The following LY75 variants were observed in gnomAD, a reference collection of about 807,000 sequenced individuals.
LY75 encodes C-type lectin domain family 13 member B.
A neutral mutation model predicts 231.7 loss-of-function variants in LY75; 185 were observed. That is an observed-to-expected ratio of 0.80 (90% confidence interval 0.71 to 0.90). LY75 has a LOEUF of 0.90. LY75 is among the 40% of genes least tolerant of loss of function. The probability of loss-of-function intolerance (pLI) is 0.00; values close to 1 mark genes in which losing one functional copy is unlikely to be tolerated. For synonymous variants in LY75, 668 were observed against 689.0 expected (o/e 0.97, Z 0.48); for missense variants, 1,947 against 2,050.2 (o/e 0.95, Z 0.97).
At position 159,893,937 on chromosome 2, in the gene LY75, T is replaced by G. The variant is rs1290149746; in HGVS notation, c.614A>C (p.Lys205Thr). ...ATTLNYEYDR[K>T]WGICLKPENG... is the part of the protein sequence containing the mutation. ...ACCAGGCTTTAAGCAGATGCCCCAC[T>G]TTCGGTCATATTCATAATTTAAGGT... Residue 205 changes from lysine to threonine, a missense_variant, in exon 3 of 35, where the codon AAG (lysine) becomes ACG (threonine). Coordinates refer to ENST00000263636, the MANE Select transcript of LY75 (RefSeq NM_002349.4). 6.2e-7 allele frequency: 1 copy of G among 1,612,618 alleles called. No homozygotes were observed. The highest frequency in any genetic ancestry group is 1.7e-5 in the Admixed American group (1 of 59,736).
chr2:159,808,322 C>G (rs1682849609), intron 33 of LY75, 127 bp downstream of exon 33: 1 of 1,519,620 alleles, frequency 6.6e-7, no homozygotes, highest in Non-Finnish European at 8.9e-7. Context: ...AGCCAGCGAC[C>G]TAGCTTATTT....
rs774428351 is a variant in LY75 at position 159,842,198 on chromosome 2, T to TATATATATATATATAC, written c.3280+46_3280+47insGTATATATATATATAT. 7.6e-4 allele frequency: 1,198 copies of TATATATATATATATAC among 1,572,102 alleles called. 29 individuals carry two copies. The African/African-American group carries it at 0.017, about 22-fold the overall frequency. On this transcript the variant is annotated intron_variant, in intron 24 of 34. Coordinates refer to ENST00000263636, the MANE Select transcript of LY75 (RefSeq NM_002349.4). ...GACTCTCTCTCTCTCTATATATATA[T>TATATATATATATATAC]ATGTAATAGCATAAAGTACCATAGT...
At chr2:159,885,762 T>C (rs1408731303) in intron 5 of LY75, among the ~76,000 whole-genome samples, 5 of 152,194 alleles carry the variant, frequency 3.3e-5, no homozygotes, top group Non-Finnish European at 7.3e-5. Context: ...AGTGGCTAAT[T>C]TGAATTTTAT....
intron 24 of LY75, 54 bp downstream of exon 24, chr2:159,842,191 A>G: frequency 1.3e-6 from 2 of 1,530,578 alleles, no homozygotes; most frequent in Non-Finnish European, 1.8e-6. Flanking sequence ...CTCTCTCTAT[A>G]TATATATATG....
intron 23 of LY75, among the ~76,000 whole-genome samples, chr2:159,846,005 C>T (rs1684191870): frequency 6.6e-6 from 1 of 151,150 alleles, no homozygotes; most frequent in Non-Finnish European, 1.5e-5. Context: ...GCTGTGTTGC[C>T]CAGGCTGGTC....
intron 14 of LY75, among the ~76,000 whole-genome samples, chr2:159,864,479 T>C (rs777683301): frequency 2.6e-5 from 4 of 152,168 alleles, no homozygotes; most frequent in Admixed American, 6.6e-5. Flanking sequence ...TTTCCTACTA[T>C]CATTTATAGA....
chr2:159,868,333 A>G (rs1574572912), intron 13 of LY75, among the ~76,000 whole-genome samples: 1 of 152,262 alleles, frequency 6.6e-6, no homozygotes, highest in East Asian at 1.9e-4. Flanking sequence ...CATTACTTTT[A>G]TGATTAGAAA....
intron 27 of LY75, among the ~76,000 whole-genome samples, chr2:159,833,128 C>G (rs1038809716): frequency 7.6e-6 from 1 of 132,112 alleles, no homozygotes; most frequent in Non-Finnish European, 1.6e-5. Flanking sequence ...TTTCCCCCTT[C>G]CTTTTTTTTT....
chr2:159,868,517 A>C (rs894868335), intron 13 of LY75, among the ~76,000 whole-genome samples: 2 of 152,228 alleles, frequency 1.3e-5, no homozygotes, highest in Non-Finnish European at 2.9e-5. Context: ...CAAATTTTAT[A>C]TAATGAACTT....
At position 159,852,329 on chromosome 2, in the gene LY75, G is replaced by A. The variant is rs918191800; in HGVS notation, c.2755C>T (p.Pro919Ser). ...GGCAACTTGGTACTACAGTCTGTTG[G>A]TTTACCTAAGTCTGAGAAATGAAAA... Reference protein sequence around the residue: ...AKTWLIDLGKPTDCSTKLPFI... With the variant: ...AKTWLIDLGKSTDCSTKLPFI... Residue 919 changes from proline (P) to serine (S), a missense_variant, in exon 21 of 35, where the codon CCA becomes TCA. Pro to Ser is a moderately conservative substitution (Grantham distance 74). Transcript: ENST00000263636. 1.2e-6 allele frequency: 2 copies of A among 1,613,306 alleles called. No individual in the cohort carries two copies. The highest frequency in any genetic ancestry group is 1.7e-6 in the Non-Finnish European group (2 of 1,179,672).
intron 19 of LY75, 36 bp from the exon 20 acceptor site, chr2:159,853,388 T>C (rs1263524527): frequency 3.1e-6 from 5 of 1,597,538 alleles, no homozygotes; most frequent in Non-Finnish European, 3.4e-6. Flanking sequence ...ACTCGTAATG[T>C]AATTAGGTGT....
At chr2:159,852,478 G>A (rs1684433974) in intron 20 of LY75, 138 bp from the exon 21 acceptor site, 7 of 1,216,174 alleles carry the variant, frequency 5.8e-6, no homozygotes, top group Middle Eastern at 2.9e-4. Flanking sequence ...GAGTGCAGTG[G>A]TGCAATGTTG....
At chr2:159,858,263 C>T in intron 16 of LY75, 99 bp downstream of exon 16, 1 of 1,432,978 alleles carries the variant, frequency 7.0e-7, no homozygotes, top group African/African-American at 1.4e-5. Flanking sequence ...GGCTTTTAGA[C>T]ATCAGAATTA....
At chr2:159,814,660 A>C (rs564361423) in intron 31 of LY75, among the ~76,000 whole-genome samples, 2 of 151,238 alleles carry the variant, frequency 1.3e-5, no homozygotes, top group South Asian at 4.2e-4. Flanking sequence ...TGTCAAAAAA[A>C]AAAAAAGAAA....
chr2:159,847,050 C>G (rs145429117), intron 23 of LY75, among the ~76,000 whole-genome samples: 1 of 152,082 alleles, frequency 6.6e-6, no homozygotes, highest in Non-Finnish European at 1.5e-5. Flanking sequence ...CTCGCTCTGT[C>G]GCCCAGGCTG....
At position 159,821,091 on chromosome 2, in the gene LY75, G is replaced by C. The variant is rs138779990; in HGVS notation, c.3959-1171C>G. ...CTGATCTCATAATCCATCCGCCTTG[G>C]CCTCCCAAATTGCTGCGATTATAGG... On this transcript the variant is annotated intron_variant, in intron 28 of 34. Coordinates refer to ENST00000263636, the MANE Select transcript of LY75 (RefSeq NM_002349.4). 3.9e-3 allele frequency among the ~76,000 whole-genome samples: 589 copies of C among 152,134 alleles called. 4 individuals carry two copies. The highest frequency in any genetic ancestry group is 0.013 in the African/African-American group (545 of 41,492).
intron 4 of LY75, among the ~76,000 whole-genome samples, chr2:159,887,252 T>TACACACACACACAC (rs1574594578): frequency 1.9e-5 from 1 of 53,038 alleles, no homozygotes; most frequent in Non-Finnish European, 6.0e-5. Context: ...CACACACACG[T>TACACACACACACAC]GGTACAGTGG....
At chr2:159,865,543 C>G (rs549179440) in intron 13 of LY75, among the ~76,000 whole-genome samples, 11 of 152,004 alleles carry the variant, frequency 7.2e-5, no homozygotes, top group Admixed American at 3.9e-4. Flanking sequence ...CTACATCTAC[C>G]CTGAAATGTA....
At chr2:159,825,581 A>C (rs186052165) in intron 28 of LY75, among the ~76,000 whole-genome samples, 3 of 152,324 alleles carry the variant, frequency 2.0e-5, no homozygotes, top group African/African-American at 7.2e-5. Flanking sequence ...CAATAGAAAA[A>C]GAGGGACTCC....
Sources: allele counts gnomAD v4.1 joint callset (sites outside exome capture counted in the v4.1 genomes callset), GRCh38; gene constraint gnomAD v4.1.1; transcripts MANE v1.5; gene names NCBI Gene and HGNC (gene_info 2026-07-23, HGNC 2026-07-21).